DNAH6: variants seen among roughly 807,000 people sequenced by gnomAD.
DNAH6 encodes axonemal beta dynein heavy chain 6.
Under a neutral mutation model 491.4 loss-of-function variants are expected in DNAH6, and 340 were observed. The observed-to-expected ratio is 0.69, with a 90% confidence interval of 0.63 to 0.76. DNAH6 has a LOEUF of 0.76. Among genes scored for constraint, DNAH6 ranks in the 30% least tolerant of loss-of-function variants. DNAH6 has a pLI of 0.00. For missense variants in DNAH6, 4,443 were observed against 4,972.2 expected (o/e 0.89, Z 3.20); for synonymous variants, 1,603 against 1,686.1 (o/e 0.95, Z 1.21).
At chr2:84,623,218 G>A (rs961679753) in intron 26 of DNAH6, among the ~76,000 whole-genome samples, 2 of 152,132 alleles carry the variant, frequency 1.3e-5, no homozygotes, top group Non-Finnish European at 2.9e-5. Flanking sequence ...AAAAGCACAA[G>A]CAACAAAAGG....
At position 84,755,966 on chromosome 2, in the gene DNAH6, G is replaced by A. The variant is rs187802615; in HGVS notation, c.10513-6789G>A. On this transcript the variant is annotated intron_variant, in intron 63 of 76. Coordinates refer to ENST00000389394, the MANE Select transcript of DNAH6 (RefSeq NM_001370.2). Reference sequence around the variant, plus strand: ...TTTTAAAAAAGAGGAGTTCCCCTGCGCAAGCATTCTCTCTTTGCCTGCTGC... The same window carrying A: ...TTTTAAAAAAGAGGAGTTCCCCTGCACAAGCATTCTCTCTTTGCCTGCTGC... 2.8e-3 allele frequency among the ~76,000 whole-genome samples: 427 copies of A among 152,274 alleles called. 3 individuals carry two copies. Among genetic ancestry groups the A allele is most frequent in the African/African-American group, 0.01 (416 of 41,536 alleles).
chr2:84,802,135 T>C (rs1009281899), intron 70 of DNAH6, among the ~76,000 whole-genome samples: 9 of 152,142 alleles, frequency 5.9e-5, no homozygotes, highest in African/African-American at 2.2e-4. Context: ...ACAGACTGCA[T>C]AAAGCAACTA....
At chr2:84,642,119 T>G in intron 33 of DNAH6, 65 bp downstream of exon 33, 1 of 1,041,112 alleles carries the variant, frequency 9.6e-7, no homozygotes, top group Non-Finnish European at 1.4e-6. Context: ...TAGTCTTTTC[T>G]TCAATTATTT....
chr2:84,554,272 C>T (rs1558704769), intron 10 of DNAH6, among the ~76,000 whole-genome samples: 1 of 152,152 alleles, frequency 6.6e-6, no homozygotes, highest in African/African-American at 2.4e-5. Flanking sequence ...TGCAATATCC[C>T]CCTACCTTTG....
chr2:84,733,348 A>G, intron 61 of DNAH6, 96 bp from the exon 62 acceptor site: 1 of 1,039,094 alleles, frequency 9.6e-7, no homozygotes, highest in South Asian at 1.6e-5. Context: ...GGTTATTTTA[A>G]CATACTATTA....
chr2:84,579,878 G>A (rs1290914674), intron 14 of DNAH6, among the ~76,000 whole-genome samples, 199 bp downstream of exon 14: 2 of 152,244 alleles, frequency 1.3e-5, no homozygotes, highest in South Asian at 2.1e-4. Context: ...GTCAGGCATC[G>A]TATTACACTT....
intron 71 of DNAH6, 61 bp from the exon 72 acceptor site, chr2:84,808,354 A>G: frequency 6.9e-7 from 1 of 1,445,708 alleles, no homozygotes; most frequent in Non-Finnish European, 9.1e-7. Flanking sequence ...ACATTGCCTT[A>G]GCAATATTGT....
rs1002536641 is a variant in DNAH6, at chr2:84,595,642, A to T, written c.2725-4A>T. The T allele has an allele frequency of 5.3e-6, 8 of 1,517,096 alleles. No homozygotes were observed. In the African/African-American group the frequency reaches 1.1e-4, roughly 21 times the overall value. 94.0% of individuals were successfully genotyped at this position (1,517,096 alleles called of 1,614,324 possible). A position where few individuals can be genotyped will look rare whatever the true frequency, so the allele number is the denominator to read the frequency against. ...GTTTTGCTTTGTTTTTAAATTTTTC[A>T]TAGTCCAAATTTGATTGCCTGGATC... On this transcript the variant is annotated splice_region_variant and splice_polypyrimidine_tract_variant and intron_variant, in intron 17 of 76. Transcript: ENST00000389394.
the DNAH6 span, among the ~76,000 whole-genome samples, chr2:84,468,453 A>C: frequency 6.6e-6 from 1 of 152,216 alleles, no homozygotes; most frequent in African/African-American, 2.4e-5. Context: ...GTTTTTAACT[A>C]AACTGATTTT....
Position 84,781,562 on chromosome 2 carries a change from A to C in DNAH6, c.10773A>C (p.Lys3591Asn), listed in dbSNP as rs931643120. Residue 3591 changes from lysine to asparagine, a missense_variant, in exon 65 of 77, where the codon AAA (lysine) becomes AAC (asparagine). Physicochemically the swap from Lys to Asn is moderately conservative, Grantham distance 94. Coordinates refer to ENST00000389394, the MANE Select transcript of DNAH6 (RefSeq NM_001370.2). Reference sequence around the variant, plus strand: ...AAAAAATGGTCAAGGATGCAATGAAATCAGGAAACTGGGTATTTTTGCAAA... The same window carrying C: ...AAAAAATGGTCAAGGATGCAATGAACTCAGGAAACTGGGTATTTTTGCAAA... Reference protein sequence around the residue: ...IAEKMVKDAMKSGNWVFLQNC... With the variant: ...IAEKMVKDAMNSGNWVFLQNC... 2.6e-6 allele frequency: 4 copies of C among 1,551,704 alleles called. No individual in the cohort carries two copies. The highest frequency in any genetic ancestry group is 1.7e-4 in the Middle Eastern group (1 of 5,992).
chr2:84,639,486 T>A (rs1689186322), intron 31 of DNAH6, among the ~76,000 whole-genome samples: 1 of 150,534 alleles, frequency 6.6e-6, no homozygotes, highest in African/African-American at 2.4e-5. Context: ...TGGCACGATC[T>A]CGGCTCACTG....
Position 84,556,797 on chromosome 2 carries a change from G to A in DNAH6, c.1603-938G>A, listed in dbSNP as rs972241263. Among the ~76,000 whole-genome samples the A allele has an allele frequency of 3.3e-5, 5 of 152,266 alleles. No homozygotes were observed. In the East Asian group the frequency reaches 9.6e-4, roughly 29 times the overall value. On this transcript the variant is annotated intron_variant, in intron 10 of 76. Coordinates refer to ENST00000389394, the MANE Select transcript of DNAH6 (RefSeq NM_001370.2). ...GTTTACATTGAGATATTATATGCCA[G>A]TTTTATATCCTGCTCACTCTCTTTT...
chr2:84,653,228 A>G (rs367899639), intron 33 of DNAH6, 91 bp from the exon 34 acceptor site: 53 of 1,092,612 alleles, frequency 4.9e-5, no homozygotes, highest in South Asian at 3.0e-4. Flanking sequence ...ATGAGAAACA[A>G]TAAGACTCAT....
chr2:84,779,646 A>G (rs1676486785), intron 64 of DNAH6, among the ~76,000 whole-genome samples: 1 of 152,076 alleles, frequency 6.6e-6, no homozygotes. Context: ...CAAGGTTAAT[A>G]TTGATATGTA....
rs370591720 is a variant in DNAH6, at chr2:84,520,566, C to G, written c.225+2515C>G. ...AATAGTTGTTTTTTTCTGTTCCTCT[C>G]CCTCCTCACACCCTCCTCCCTCAAG... On this transcript the variant is annotated intron_variant, in intron 2 of 76. Coordinates refer to ENST00000389394, the MANE Select transcript of DNAH6 (RefSeq NM_001370.2). Among the ~76,000 whole-genome samples, 5 of 152,032 alleles carry G rather than the reference C, an allele frequency of 3.3e-5. No homozygotes were observed. The East Asian group carries it at 7.7e-4, about 23-fold the overall frequency.
Position 84,653,511 on chromosome 2 carries a change from C to A in DNAH6, c.5271C>A (p.Gly1757=), listed in dbSNP as rs1426902363. The A allele has an allele frequency of 3.2e-6, 5 of 1,551,050 alleles. No homozygotes were observed. The African/African-American group carries it at 6.9e-5, about 21-fold the overall frequency. The change falls in exon 34 of 77, where the codon GGC becomes GGA. Residue 1757 remains glycine, a synonymous_variant. Transcript: ENST00000389394. Reference sequence around the variant, plus strand: ...TTATGTTAGTCGGGCCAACAGGAGGCGGCAAGACCACAGTTTACCGAATAC... The same window carrying A: ...TTATGTTAGTCGGGCCAACAGGAGGAGGCAAGACCACAGTTTACCGAATAC... The part of the protein sequence containing the change: ...HGVMLVGPTG[G]GKTTVYRILA...
At chr2:84,641,875 C>G in intron 32 of DNAH6, 72 bp from the exon 33 acceptor site, 1 of 1,281,684 alleles carries the variant, frequency 7.8e-7, no homozygotes, top group Non-Finnish European at 1.1e-6. Flanking sequence ...CTCTGCCCTC[C>G]CCACAGGTTT....
At chr2:84,472,738 T>C in the DNAH6 span, among the ~76,000 whole-genome samples, 5 of 152,242 alleles carry the variant, frequency 3.3e-5, no homozygotes, top group African/African-American at 4.8e-5. Context: ...CAGACACCAA[T>C]GCATCCGCCC....
the DNAH6 span, among the ~76,000 whole-genome samples, chr2:84,485,134 T>C: frequency 6.6e-6 from 1 of 152,166 alleles, no homozygotes; most frequent in Non-Finnish European, 1.5e-5. Context: ...TCCATCCTAA[T>C]CTCTAATGAA....
Sources: allele counts gnomAD v4.1 joint callset (sites outside exome capture counted in the v4.1 genomes callset), GRCh38; gene constraint gnomAD v4.1.1; transcripts MANE v1.5; gene names NCBI Gene and HGNC (gene_info 2026-07-23, HGNC 2026-07-21).